CTNNA3: variants seen among roughly 807,000 people sequenced by gnomAD.
The protein encoded by CTNNA3 is catenin alpha 3, also known as catenin alpha-3.
A neutral mutation model predicts 95.7 loss-of-function variants in CTNNA3; 76 were observed. That is an observed-to-expected ratio of 0.79 (90% CI 0.66 to 0.96). The LOEUF (loss-of-function observed/expected upper bound fraction) is 0.96. CTNNA3 is among the 40% of genes least tolerant of loss of function. The probability of loss-of-function intolerance (pLI) is 0.00; values close to 1 mark genes in which losing one functional copy is unlikely to be tolerated. For synonymous variants in CTNNA3, 431 were observed against 374.4 expected, an observed-to-expected ratio of 1.15 and a Z score of -1.74; for missense variants, 1,191 against 1,089.8, an observed-to-expected ratio of 1.09 and a Z score of -1.31.
rs758222091 is a variant in CTNNA3 at position 67,215,167 on chromosome 10, TA to T, written c.843+4439del. ...AATATCTTTCAGATCACCAATTCTC[TA>T]ACCTAATCACCTGTTTTGCCTAACC... On this transcript the variant is annotated intron_variant, in intron 6 of 17. Transcript: ENST00000433211. 9.2e-5 allele frequency among the ~76,000 whole-genome samples: 14 copies of T among 152,276 alleles called. No homozygotes were observed. The East Asian group carries it at 1.2e-3, about 13-fold the overall frequency.
At chr10:66,833,069 A>T (rs1235679263) in intron 7 of CTNNA3, among the ~76,000 whole-genome samples, 1 of 152,138 alleles carries the variant, frequency 6.6e-6, no homozygotes, top group Non-Finnish European at 1.5e-5. Flanking sequence ...TATCCATGTT[A>T]TATTTTATCT....
At chr10:66,361,637 A>G (rs1256583644) in intron 12 of CTNNA3, among the ~76,000 whole-genome samples, 1 of 151,566 alleles carries the variant, frequency 6.6e-6, no homozygotes, top group African/African-American at 2.4e-5. Flanking sequence ...TCCTGGGCTC[A>G]AGGGATCTTC....
intron 13 of CTNNA3, among the ~76,000 whole-genome samples, chr10:66,157,518 GATAGATAGATAGATA>G: frequency 6.7e-6 from 1 of 150,070 alleles, no homozygotes; most frequent in South Asian, 2.1e-4. Flanking sequence ...TAGATAGATA[GATAGATAGATAGATA>G]GATAGATAAT....
At chr10:67,656,658 C>T (rs539008944) in intron 1 of CTNNA3, among the ~76,000 whole-genome samples, 1 of 151,988 alleles carries the variant, frequency 6.6e-6, no homozygotes, top group East Asian at 1.9e-4. Flanking sequence ...TCAAGACTAG[C>T]CTCATTGAGA....
intron 11 of CTNNA3, among the ~76,000 whole-genome samples, chr10:66,492,235 C>T (rs911035210): frequency 5.3e-5 from 8 of 152,070 alleles, no homozygotes; most frequent in Admixed American, 5.2e-4. Context: ...GAAGAAAATA[C>T]ACTTATTATA....
At chr10:67,705,935 T>G (rs1276546707) in intron 1 of CTNNA3, among the ~76,000 whole-genome samples, 1 of 152,096 alleles carries the variant, frequency 6.6e-6, no homozygotes, top group African/African-American at 2.4e-5. Flanking sequence ...GACTTTTTAT[T>G]CCAAAGCTGG....
At chr10:67,688,973 C>T (rs1247999206) in intron 1 of CTNNA3, among the ~76,000 whole-genome samples, 2 of 152,126 alleles carry the variant, frequency 1.3e-5, no homozygotes, top group African/African-American at 2.4e-5. Flanking sequence ...GTGGCCCTTA[C>T]TGATGCATTC....
At chr10:66,290,596 A>G (rs1050605246) in intron 12 of CTNNA3, among the ~76,000 whole-genome samples, 1 of 152,154 alleles carries the variant, frequency 6.6e-6, no homozygotes, top group Non-Finnish European at 1.5e-5. Flanking sequence ...TGATGTTAAG[A>G]AAATGCAAAA....
At chr10:66,802,594 G>A (rs1289267153) in intron 7 of CTNNA3, among the ~76,000 whole-genome samples, 1 of 151,402 alleles carries the variant, frequency 6.6e-6, no homozygotes, top group Non-Finnish European at 1.5e-5. Context: ...ATTCTTACAG[G>A]AATAAATACA....
intron 11 of CTNNA3, among the ~76,000 whole-genome samples, chr10:66,396,937 C>A (rs1348341525): frequency 6.6e-6 from 1 of 151,554 alleles, no homozygotes; most frequent in East Asian, 1.9e-4. Context: ...CCAATATAAG[C>A]TTTTCACTTA....
chr10:66,337,861 A>G (rs1278804727), intron 12 of CTNNA3, among the ~76,000 whole-genome samples: 2 of 152,100 alleles, frequency 1.3e-5, no homozygotes, highest in African/African-American at 4.8e-5. Flanking sequence ...AGTGGAATAT[A>G]TATGTGAGTT....
At position 67,169,472 on chromosome 10, in the gene CTNNA3, C is replaced by T. The variant is rs535905035; in HGVS notation, c.1047+10845G>A. On this transcript the variant is annotated intron_variant, in intron 7 of 17. Coordinates refer to ENST00000433211, the MANE Select transcript of CTNNA3 (RefSeq NM_013266.4). ...ACAGAAGAGAGGCCCAGAAATAAGG[C>T]CACACATCTGCGACCATCTGATCTT... is the stretch of plus-strand genomic sequence containing the variant. Among the ~76,000 whole-genome samples, 12 of 152,144 alleles carry T rather than the reference C, an allele frequency of 7.9e-5. No individual in the cohort carries two copies. The East Asian group carries it at 2.3e-3, about 29-fold the overall frequency.
At chr10:66,386,874 G>A (rs1329261007) in intron 11 of CTNNA3, among the ~76,000 whole-genome samples, 4 of 152,140 alleles carry the variant, frequency 2.6e-5, no homozygotes, top group African/African-American at 9.7e-5. Context: ...AAATGGTGCT[G>A]GGAAAACTGG....
intron 6 of CTNNA3, among the ~76,000 whole-genome samples, chr10:67,185,018 T>G (rs532256369): frequency 3.3e-5 from 5 of 152,212 alleles, no homozygotes; most frequent in Admixed American, 6.5e-5. Context: ...CCTTATATAA[T>G]GTAAAATGTA....
chr10:67,282,390 T>C (rs1432287216), intron 5 of CTNNA3, among the ~76,000 whole-genome samples: 1 of 151,926 alleles, frequency 6.6e-6, no homozygotes, highest in Non-Finnish European at 1.5e-5. Flanking sequence ...CAAATTTGAG[T>C]AGGATGCAGA....
At chr10:66,735,273 T>C (rs1002085852) in intron 9 of CTNNA3, among the ~76,000 whole-genome samples, 9 of 151,980 alleles carry the variant, frequency 5.9e-5, no homozygotes, top group African/African-American at 1.7e-4. Flanking sequence ...TTCCATACTT[T>C]TGCATGTCTT....
chr10:66,854,338 C>G (rs1177924552), intron 7 of CTNNA3, among the ~76,000 whole-genome samples: 1 of 151,966 alleles, frequency 6.6e-6, no homozygotes, highest in Non-Finnish European at 1.5e-5. Context: ...GCATACTATT[C>G]CTTTGGCAAA....
At chr10:66,671,818 G>T (rs1234407149) in intron 9 of CTNNA3, among the ~76,000 whole-genome samples, 1 of 152,172 alleles carries the variant, frequency 6.6e-6, no homozygotes, top group African/African-American at 2.4e-5. Flanking sequence ...GCTTCCTTCT[G>T]TAAAACGGGG....
chr10:66,045,644 T>A (rs954958477), intron 15 of CTNNA3, among the ~76,000 whole-genome samples: 1 of 152,204 alleles, frequency 6.6e-6, no homozygotes, highest in Non-Finnish European at 1.5e-5. Flanking sequence ...GTTGCTACTA[T>A]GTATTTCCAC....
Sources: gnomAD v4.1 joint callset for allele counts (sites outside exome capture counted in the v4.1 genomes callset) on GRCh38, gnomAD v4.1.1 for gene constraint, MANE v1.5 for transcripts, NCBI Gene and HGNC (gene_info 2026-07-23, HGNC 2026-07-21) for gene names.